Variants in RALGAPA2 observed in about 807,000 individuals in gnomAD.
RALGAPA2 encodes Ral GTPase activating protein catalytic subunit alpha 2.
In RALGAPA2, 139 loss-of-function variants were observed where a neutral mutation model predicts 230.4. The ratio of observed to expected loss-of-function variants is 0.60; its 90% CI spans 0.53 to 0.69. RALGAPA2 has a LOEUF of 0.69. Among genes scored for constraint, RALGAPA2 ranks in the 30% least tolerant of loss-of-function variants. The probability of loss-of-function intolerance (pLI) is 0.00; values close to 1 mark genes in which losing one functional copy is unlikely to be tolerated. For missense variants in RALGAPA2, 2,163 were observed against 2,276.0 expected (o/e 0.95, Z 1.01); for synonymous variants, 847 against 837.8 (o/e 1.01, Z -0.19).
At chr20:20,463,791 G>C (rs1411669364) in intron 37 of RALGAPA2, among the ~76,000 whole-genome samples, 3 of 152,196 alleles carry the variant, frequency 2.0e-5, no homozygotes, top group Non-Finnish European at 4.4e-5. Context: ...TGAATACTCA[G>C]ACATTAATAA....
intron 35 of RALGAPA2, among the ~76,000 whole-genome samples, chr20:20,501,368 C>T (rs946792056): frequency 6.6e-6 from 1 of 152,258 alleles, no homozygotes. Flanking sequence ...TCTGCATGAG[C>T]ACTTAATGCT....
At chr20:20,595,399 C>A (rs2065421624) in intron 16 of RALGAPA2, among the ~76,000 whole-genome samples, 1 of 152,172 alleles carries the variant, frequency 6.6e-6, no homozygotes. Flanking sequence ...AGCTCAGCAT[C>A]TTGAGGTTTC....
chr20:20,573,675 G>C (rs1198322251), intron 20 of RALGAPA2, among the ~76,000 whole-genome samples: 1 of 152,120 alleles, frequency 6.6e-6, no homozygotes, highest in Admixed American at 6.6e-5. Flanking sequence ...GCCTTTTCCA[G>C]AATGTCACAT....
At chr20:20,618,325 G>T (rs565626303) in intron 12 of RALGAPA2, among the ~76,000 whole-genome samples, 1 of 152,178 alleles carries the variant, frequency 6.6e-6, no homozygotes, top group Admixed American at 6.5e-5. Context: ...TGATGGGGAC[G>T]CAGGTCATAC....
intron 1 of RALGAPA2, among the ~76,000 whole-genome samples, chr20:20,705,435 T>C (rs1171722607): frequency 2.0e-5 from 3 of 152,136 alleles, no homozygotes; most frequent in Non-Finnish European, 4.4e-5. Context: ...ACTGAACTTC[T>C]GGGCTGATCC....
At chr20:20,400,504 T>C (rs556440362) in intron 38 of RALGAPA2, among the ~76,000 whole-genome samples, 112 of 152,332 alleles carry the variant, frequency 7.4e-4, no homozygotes, top group Admixed American at 6.7e-3. Flanking sequence ...TTCTCTCCCA[T>C]GACTATAATG....
At chr20:20,571,716 G>T in intron 22 of RALGAPA2, 103 bp from the exon 23 acceptor site, 1 of 1,468,906 alleles carries the variant, frequency 6.8e-7, no homozygotes, top group Non-Finnish European at 9.3e-7. Flanking sequence ...TTATGGACAT[G>T]TGGGATGCAG....
rs577894320 is a variant in RALGAPA2, at chr20:20,503,975, C to A, written c.5053-469G>T. Among the ~76,000 whole-genome samples the A allele has an allele frequency of 6.6e-5, 10 of 151,890 alleles. No individual in the cohort carries two copies. In the South Asian group the frequency reaches 2.1e-3, roughly 32 times the overall value. On this transcript the variant is annotated intron_variant, in intron 34 of 39. Coordinates refer to ENST00000202677, the MANE Select transcript of RALGAPA2 (RefSeq NM_020343.4). ...CTGCCTTTCAAAAGGGTTGAACAAC[C>A]ACTTTACACCACTGCCGAAAGTTTA...
At chr20:20,434,292 C>T (rs546663456) in intron 37 of RALGAPA2, among the ~76,000 whole-genome samples, 4 of 152,146 alleles carry the variant, frequency 2.6e-5, no homozygotes, top group East Asian at 1.9e-4. Flanking sequence ...GTGGGGGTCC[C>T]GGGAAAAGTG....
At chr20:20,400,654 T>G (rs1194026389) in intron 38 of RALGAPA2, among the ~76,000 whole-genome samples, 1 of 152,208 alleles carries the variant, frequency 6.6e-6, no homozygotes, top group Non-Finnish European at 1.5e-5. Flanking sequence ...ACACCAAGAT[T>G]TCCGCTGCAT....
intron 23 of RALGAPA2, among the ~76,000 whole-genome samples, chr20:20,550,716 C>T (rs1365770587): frequency 6.6e-6 from 1 of 152,148 alleles, no homozygotes; most frequent in African/African-American, 2.4e-5. Flanking sequence ...GAGCTTCATG[C>T]TTCTCTTCCG....
intron 37 of RALGAPA2, among the ~76,000 whole-genome samples, chr20:20,453,350 G>C (rs1017537010): frequency 1.3e-5 from 2 of 152,138 alleles, no homozygotes; most frequent in Non-Finnish European, 2.9e-5. Flanking sequence ...GCATGAGATG[G>C]GGGAAGGTGT....
Position 20,425,865 on chromosome 20 carries a change from T to C in RALGAPA2, c.5496-13717A>G, listed in dbSNP as rs183508175. On this transcript the variant is annotated intron_variant, in intron 37 of 39. Coordinates refer to ENST00000202677, the MANE Select transcript of RALGAPA2 (RefSeq NM_020343.4). ...ATGATCAGAAGTAGCAAAAGTATGT[T>C]GGCCAGTTAATATTAAAAGCAACTG... is the stretch of plus-strand genomic sequence containing the variant. Among the ~76,000 whole-genome samples the C allele has an allele frequency of 1.2e-4, 19 of 152,360 alleles. No homozygotes were observed. In the East Asian group the frequency reaches 3.7e-3, roughly 29 times the overall value.
intron 3 of RALGAPA2, 147 bp from the exon 4 acceptor site, chr20:20,653,734 C>T (rs373135120): frequency 2.0e-6 from 1 of 493,192 alleles, no homozygotes; most frequent in South Asian, 3.7e-5. Context: ...ATGCTGTATT[C>T]CTATGAGATA....
chr20:20,555,755 C>T (rs73290995), intron 23 of RALGAPA2, among the ~76,000 whole-genome samples: 3,322 of 151,998 alleles, frequency 0.022, 129 homozygotes, highest in African/African-American at 0.077. Flanking sequence ...GATCTTGTAT[C>T]CTGCAATCTT....
At chr20:20,504,378 T>C (rs979761484) in intron 34 of RALGAPA2, among the ~76,000 whole-genome samples, 9 of 152,164 alleles carry the variant, frequency 5.9e-5, no homozygotes, top group African/African-American at 1.9e-4. Context: ...TTAGTCCCCT[T>C]GCTAGCACTG....
At chr20:20,471,733 G>C (rs147696813) in intron 37 of RALGAPA2, 15 of 152,234 alleles carry the variant, frequency 9.9e-5, no homozygotes, top group Admixed American at 6.5e-4. Flanking sequence ...CCCCAGGGGA[G>C]GGACCAGATG....
At chr20:20,455,289 A>G (rs746079923) in intron 37 of RALGAPA2, among the ~76,000 whole-genome samples, 2 of 152,230 alleles carry the variant, frequency 1.3e-5, no homozygotes, top group Non-Finnish European at 2.9e-5. Context: ...TGAGCGCTAG[A>G]GACAGACAGC....
intron 2 of RALGAPA2, among the ~76,000 whole-genome samples, chr20:20,679,480 G>C (rs2068448786): frequency 6.6e-6 from 1 of 152,162 alleles, no homozygotes; most frequent in Admixed American, 6.5e-5. Context: ...CAAGATACTT[G>C]TGATAGTAAC....
Sources: gnomAD v4.1 joint callset for allele counts (sites outside exome capture counted in the v4.1 genomes callset) on GRCh38, gnomAD v4.1.1 for gene constraint, MANE v1.5 for transcripts, NCBI Gene and HGNC (gene_info 2026-07-23, HGNC 2026-07-21) for gene names.